The following COX7B2 variants were observed in gnomAD, a reference collection of about 807,000 sequenced individuals.
COX7B2 encodes the protein cytochrome c oxidase subunit 7B2, also known as cytochrome c oxidase subunit 7B2, mitochondrial.
For missense variants in COX7B2, 109 were observed against 95.9 expected, an observed-to-expected ratio of 1.14 and a Z score of -0.57; for synonymous variants, 37 against 32.1, an observed-to-expected ratio of 1.15 and a Z score of -0.51.
chr4:46,787,969 C>T (rs143194835), intron 2 of COX7B2, among the ~76,000 whole-genome samples: 268 of 152,234 alleles, frequency 1.8e-3, no homozygotes, highest in African/African-American at 6.0e-3. Flanking sequence ...ACATGTATGG[C>T]CTCTGATCCC....
chr4:46,887,987 G>C (rs1177482463), intron 1 of COX7B2, among the ~76,000 whole-genome samples: 1 of 152,110 alleles, frequency 6.6e-6, no homozygotes, highest in Non-Finnish European at 1.5e-5. Flanking sequence ...TGAAGGTATA[G>C]ATACCCAAAT....
chr4:46,772,528 A>C (rs1716933769), intron 2 of COX7B2, among the ~76,000 whole-genome samples: 1 of 152,192 alleles, frequency 6.6e-6, no homozygotes, highest in South Asian at 2.1e-4. Context: ...TGTACACATA[A>C]ATCAAAACAT....
At chr4:46,736,164 G>GT (rs1351431722) in intron 2 of COX7B2, among the ~76,000 whole-genome samples, 4 of 152,114 alleles carry the variant, frequency 2.6e-5, no homozygotes, top group Non-Finnish European at 5.9e-5. Flanking sequence ...AGCCCTCTGT[G>GT]CTCTGCTTAT....
chr4:46,870,762 C>T (rs1717942032), intron 1 of COX7B2, among the ~76,000 whole-genome samples: 1 of 152,042 alleles, frequency 6.6e-6, no homozygotes, highest in African/African-American at 2.4e-5. Context: ...AATAAAATAT[C>T]TAGAAATACA....
chr4:46,743,606 C>T (rs145859517), intron 2 of COX7B2, among the ~76,000 whole-genome samples: 97 of 152,196 alleles, frequency 6.4e-4, no homozygotes, highest in African/African-American at 2.1e-3. Flanking sequence ...TACTTGAAAA[C>T]GGGGTTTCGA....
intron 2 of COX7B2, among the ~76,000 whole-genome samples, chr4:46,738,247 T>C (rs1714484744): frequency 6.6e-6 from 1 of 152,126 alleles, no homozygotes; most frequent in African/African-American, 2.4e-5. Context: ...CTTATACTCA[T>C]GATGTTACAT....
At chr4:46,824,407 C>A (rs1025574807) in intron 2 of COX7B2, among the ~76,000 whole-genome samples, 4 of 152,080 alleles carry the variant, frequency 2.6e-5, no homozygotes, top group Non-Finnish European at 4.4e-5. Flanking sequence ...ACATCGCTGG[C>A]CCTCATGAGA....
chr4:46,810,714 C>G (rs554905909), intron 2 of COX7B2, among the ~76,000 whole-genome samples: 1 of 152,168 alleles, frequency 6.6e-6, no homozygotes, highest in South Asian at 2.1e-4. Flanking sequence ...CAGGATTTGA[C>G]TATGTATTTG....
intron 2 of COX7B2, among the ~76,000 whole-genome samples, chr4:46,838,535 G>T (rs1715689335): frequency 6.6e-6 from 1 of 152,118 alleles, no homozygotes; most frequent in East Asian, 1.9e-4. Context: ...AGAAGTGGTG[G>T]TCATGCATCA....
At chr4:46,766,288 TA>T (rs1370129690) in intron 2 of COX7B2, among the ~76,000 whole-genome samples, 1 of 152,158 alleles carries the variant, frequency 6.6e-6, no homozygotes, top group African/African-American at 2.4e-5. Context: ...TAAATCTATA[TA>T]AAAGTTAAAA....
rs567561470 is a variant in COX7B2 at position 46,750,086 on chromosome 4, G to A, written c.-49-14845C>T. 9.9e-5 allele frequency among the ~76,000 whole-genome samples: 15 copies of A among 152,056 alleles called. No homozygotes were observed. In the South Asian group the frequency reaches 3.1e-3, roughly 32 times the overall value. The stretch of plus-strand genomic sequence containing the variant: ...TTTAAGAATTTCTTTTATTGGCCAG[G>A]TGCAGTGGCTTACACCTATAATCCA... On this transcript the variant is annotated intron_variant, in intron 2 of 2. Coordinates refer to ENST00000355591, the MANE Select transcript of COX7B2 (RefSeq NM_130902.3).
At chr4:46,850,083 A>G (rs1428886946) in intron 1 of COX7B2, among the ~76,000 whole-genome samples, 1 of 151,954 alleles carries the variant, frequency 6.6e-6, no homozygotes, top group African/African-American at 2.4e-5. Context: ...ATACTAAAGC[A>G]TGTGTCTTCC....
intron 2 of COX7B2, among the ~76,000 whole-genome samples, chr4:46,826,416 T>C (rs2109711118): frequency 6.6e-6 from 1 of 152,272 alleles, no homozygotes; most frequent in East Asian, 1.9e-4. Context: ...TATACGCTGT[T>C]GGTGGGAGTG....
intron 2 of COX7B2, among the ~76,000 whole-genome samples, chr4:46,820,869 C>T (rs1274280120): frequency 6.7e-6 from 1 of 149,506 alleles, no homozygotes; most frequent in Non-Finnish European, 1.5e-5. Flanking sequence ...ATAGATATTA[C>T]AGCAGTAGGC....
At chr4:46,827,698 T>C (rs1714790834) in intron 2 of COX7B2, among the ~76,000 whole-genome samples, 1 of 152,092 alleles carries the variant, frequency 6.6e-6, no homozygotes, top group South Asian at 2.1e-4. Context: ...ACAAGCTGGA[T>C]ATACAGGAAG....
intron 1 of COX7B2, among the ~76,000 whole-genome samples, chr4:46,851,513 G>A (rs573920027): frequency 6.6e-6 from 1 of 152,026 alleles, no homozygotes; most frequent in African/African-American, 2.4e-5. Flanking sequence ...CATAACAAAA[G>A]TACAGGAAAT....
At chr4:46,763,015 A>G (rs1716284469) in intron 2 of COX7B2, among the ~76,000 whole-genome samples, 1 of 121,106 alleles carries the variant, frequency 8.3e-6, no homozygotes, top group Non-Finnish European at 1.7e-5. Context: ...ACATAATTAT[A>G]ATATATAATA....
chr4:46,761,980 T>C (rs1399611930), intron 2 of COX7B2, among the ~76,000 whole-genome samples: 3 of 151,694 alleles, frequency 2.0e-5, no homozygotes, highest in African/African-American at 4.8e-5. Flanking sequence ...AACAGTGTGA[T>C]TGTGTGTACA....
intron 2 of COX7B2, among the ~76,000 whole-genome samples, chr4:46,836,775 A>T (rs896435039): frequency 1.3e-5 from 2 of 152,100 alleles, no homozygotes; most frequent in Admixed American, 6.6e-5. Context: ...AGAAAAAGGT[A>T]AGTAATGCAT....
Sources: allele counts gnomAD v4.1 joint callset (sites outside exome capture counted in the v4.1 genomes callset), GRCh38; gene constraint gnomAD v4.1.1; transcripts MANE v1.5; gene names NCBI Gene and HGNC (gene_info 2026-07-23, HGNC 2026-07-21).